EHF: variants seen among roughly 807,000 people sequenced by gnomAD.
EHF encodes ESE3 transcription factor.
In EHF, 14 loss-of-function variants were observed where a neutral mutation model predicts 45.1. That is an observed-to-expected ratio of 0.31 (90% CI 0.21 to 0.49). EHF has a LOEUF of 0.49. Ranked by LOEUF, EHF falls within the 20% of genes least tolerant of loss-of-function variation. The probability of loss-of-function intolerance (pLI) is 0.99; values close to 1 mark genes in which losing one functional copy is unlikely to be tolerated. For missense variants in EHF, 282 were observed against 371.4 expected, an observed-to-expected ratio of 0.76 and a Z score of 1.98; for synonymous variants, 136 against 131.8, an observed-to-expected ratio of 1.03 and a Z score of -0.22.
intron 1 of EHF, among the ~76,000 whole-genome samples, chr11:34,640,877 C>T (rs892367520): frequency 3.9e-5 from 6 of 152,158 alleles, no homozygotes; most frequent in East Asian, 1.9e-4. Flanking sequence ...GACGTGTATT[C>T]GTGCCCTACT....
At chr11:34,621,757 C>T (rs1852000825) in intron 1 of EHF, among the ~76,000 whole-genome samples, 1 of 152,220 alleles carries the variant, frequency 6.6e-6, no homozygotes, top group African/African-American at 2.4e-5. Context: ...AGAACATACA[C>T]AATCACACTG....
At chr11:34,628,556 T>C (rs1038399844) in intron 1 of EHF, among the ~76,000 whole-genome samples, 3 of 152,198 alleles carry the variant, frequency 2.0e-5, no homozygotes, top group African/African-American at 7.2e-5. Flanking sequence ...GGGAATATGA[T>C]CTTCCCATAT....
rs748071518 is a variant in EHF at position 34,642,679 on chromosome 11, C to G, written c.49C>G (p.Leu17Val). 3.1e-6 allele frequency: 5 copies of G among 1,614,094 alleles called. No homozygotes were observed. The highest frequency in any genetic ancestry group is 4.2e-6 in the Non-Finnish European group (5 of 1,180,000). Reference protein sequence around the residue: ...GVMNLNPGNNLLHQPPAWTDS... With the variant: ...GVMNLNPGNNVLHQPPAWTDS... ...AATGAATCTCAACCCCGGCAACAAC[C>G]TCCTTCACCAGCCGCCAGCCTGGAC... Residue 17 changes from leucine to valine, a missense_variant, in exon 2 of 9, where the codon CTC becomes GTC. Leu to Val is a conservative substitution (Grantham distance 32). Around this residue, in one of 3 missense-constraint regions of EHF, gnomAD observed 213 missense variants for 247.3 expected, o/e 0.86. Transcript: ENST00000257831.
rs1298152314 is a variant in EHF at position 34,663,020 on chromosome 11, A to G, written c.*4089A>G. On this transcript the variant is annotated 3_prime_UTR_variant, in exon 9 of 9. Transcript: ENST00000257831. ...ACCTCTGAAACGTACAAGCCTTCACAAGTTTAACTAAATTGGGATTAATCT... is the reference window on the plus strand; with the variant it reads ...ACCTCTGAAACGTACAAGCCTTCACGAGTTTAACTAAATTGGGATTAATCT... Among the ~76,000 whole-genome samples, 1 of 152,116 alleles carries G rather than the reference A, an allele frequency of 6.6e-6. No homozygotes were observed. The highest frequency in any genetic ancestry group is 2.4e-5 in the African/African-American group (1 of 41,430).
intron 1 of EHF, among the ~76,000 whole-genome samples, chr11:34,633,988 C>T (rs1297151364): frequency 6.6e-6 from 1 of 152,122 alleles, no homozygotes; most frequent in Non-Finnish European, 1.5e-5. Flanking sequence ...CCCTTGAAAC[C>T]CCAGCAATAA....
At chr11:34,632,400 G>T (rs941898090) in intron 1 of EHF, 109 of 1,346,396 alleles carry the variant, frequency 8.1e-5, no homozygotes, top group South Asian at 3.5e-4. Flanking sequence ...TTAACAACCT[G>T]CTCCTGACCC....
intron 1 of EHF, chr11:34,642,169 C>T (rs998084429): frequency 1.4e-4 from 23 of 165,494 alleles, no homozygotes; most frequent in South Asian, 1.6e-4. Flanking sequence ...TGTGCAGGTG[C>T]GATTGCAGTC....
chr11:34,651,838 C>G, intron 6 of EHF, 33 bp downstream of exon 6: 1 of 1,594,044 alleles, frequency 6.3e-7, no homozygotes, highest in Non-Finnish European at 8.6e-7. Flanking sequence ...GCTGGGTATG[C>G]CTAATGCTTA....
intron 1 of EHF, among the ~76,000 whole-genome samples, chr11:34,639,513 C>T (rs1032699529): frequency 6.6e-6 from 1 of 152,240 alleles, no homozygotes; most frequent in African/African-American, 2.4e-5. Flanking sequence ...CTTCACTCTA[C>T]GCCTGAAAAA....
At chr11:34,645,967 G>C (rs147302765) in intron 2 of EHF, among the ~76,000 whole-genome samples, 1 of 151,568 alleles carries the variant, frequency 6.6e-6, no homozygotes, top group Non-Finnish European at 1.5e-5. Flanking sequence ...CAAAGGCATC[G>C]TAGAGAAAAG....
chr11:34,649,151 C>T, intron 4 of EHF, 70 bp downstream of exon 4: 29 of 1,543,088 alleles, frequency 1.9e-5, no homozygotes, highest in Non-Finnish European at 2.6e-5. Flanking sequence ...TGGGAGAGGG[C>T]AAGAGAGAAT....
At chr11:34,626,166 A>G (rs1852357838) in intron 1 of EHF, among the ~76,000 whole-genome samples, 2 of 151,824 alleles carry the variant, frequency 1.3e-5, no homozygotes, top group South Asian at 4.2e-4. Flanking sequence ...CTGCTTTTCC[A>G]CCCCACTTTC....
chr11:34,634,806 G>A (rs892107001), intron 1 of EHF, among the ~76,000 whole-genome samples: 4 of 152,194 alleles, frequency 2.6e-5, no homozygotes, highest in Non-Finnish European at 5.9e-5. Context: ...TAAGGCAGCA[G>A]ACGGCACAGG....
chr11:34,627,448 C>T (rs1393260959), intron 1 of EHF, among the ~76,000 whole-genome samples: 2 of 152,002 alleles, frequency 1.3e-5, no homozygotes, highest in African/African-American at 2.4e-5. Context: ...GTGAGTATAC[C>T]GTTGCCCACC....
chr11:34,628,833 G>T (rs1277635390), intron 1 of EHF, among the ~76,000 whole-genome samples: 1 of 152,192 alleles, frequency 6.6e-6, no homozygotes, highest in Non-Finnish European at 1.5e-5. Flanking sequence ...GGAGATGGCT[G>T]ATGTCACGAG....
chr11:34,625,207 C>A (rs1852266826), intron 1 of EHF, among the ~76,000 whole-genome samples: 2 of 109,636 alleles, frequency 1.8e-5, no homozygotes, highest in South Asian at 5.0e-4. Context: ...GACCTGACAC[C>A]TGGAGCCTTT....
At chr11:34,636,906 A>G (rs966612467) in intron 1 of EHF, among the ~76,000 whole-genome samples, 109 of 152,008 alleles carry the variant, frequency 7.2e-4, no homozygotes, top group African/African-American at 2.5e-3. Context: ...GTGCATGCCT[A>G]TAATCCCAGC....
intron 1 of EHF, among the ~76,000 whole-genome samples, chr11:34,627,267 G>A (rs1852461168): frequency 6.6e-6 from 1 of 152,056 alleles, no homozygotes; most frequent in African/African-American, 2.4e-5. Context: ...ATTGAACCTT[G>A]TTTTGAGTCA....
At chr11:34,628,841 G>A (rs1211309902) in intron 1 of EHF, among the ~76,000 whole-genome samples, 4 of 152,204 alleles carry the variant, frequency 2.6e-5, no homozygotes, top group African/African-American at 4.8e-5. Context: ...CTGATGTCAC[G>A]AGTGTGCAAC....
Sources: allele counts gnomAD v4.1 joint callset (sites outside exome capture counted in the v4.1 genomes callset), GRCh38; gene constraint gnomAD v4.1.1; regional missense constraint gnomAD v4.1.1; transcripts MANE v1.5; gene names NCBI Gene and HGNC (gene_info 2026-07-23, HGNC 2026-07-21).